Variants in PARP9 observed in about 807,000 individuals in gnomAD.
PARP9 encodes the protein protein mono-ADP-ribosyltransferase PARP9.
A neutral mutation model predicts 68.8 loss-of-function variants in PARP9; 48 were observed. The observed-to-expected ratio is 0.70, with a 90% CI of 0.55 to 0.89. The LOEUF (loss-of-function observed/expected upper bound fraction) is 0.89. Among genes scored for constraint, PARP9 ranks in the 40% least tolerant of loss-of-function variants. The pLI, the probability that PARP9 is intolerant of heterozygous loss-of-function variation, is 0.00. For synonymous variants in PARP9, 309 were observed against 333.8 expected (o/e 0.93, Z 0.81); for missense variants, 806 against 969.3 (o/e 0.83, Z 2.24).
chr3:122,555,176 T>C (rs1339103820), intron 4 of PARP9, 110 bp downstream of exon 4: 13 of 1,131,294 alleles, frequency 1.1e-5, no homozygotes, highest in Non-Finnish European at 1.6e-5. Flanking sequence ...CTCATATTCT[T>C]AATCCAAACA....
chr3:122,543,010 G>A (rs947867961), intron 7 of PARP9, among the ~76,000 whole-genome samples: 4 of 152,020 alleles, frequency 2.6e-5, no homozygotes, highest in East Asian at 1.9e-4. Flanking sequence ...GGGTTCAAGC[G>A]ATTCTCCTGC....
intron 10 of PARP9, among the ~76,000 whole-genome samples, chr3:122,529,587 A>G (rs1220784927): frequency 6.6e-6 from 1 of 151,040 alleles, no homozygotes; most frequent in East Asian, 1.9e-4. Flanking sequence ...CGTCTCTACT[A>G]AAAAAAATAC....
chr3:122,556,768 A>G (rs367826658), intron 3 of PARP9, among the ~76,000 whole-genome samples: 186 of 105,714 alleles, frequency 1.8e-3, no homozygotes, highest in African/African-American at 6.4e-3. Flanking sequence ...CTTGTGCCTC[A>G]GGGTTATACC....
intron 3 of PARP9, among the ~76,000 whole-genome samples, chr3:122,557,609 A>G (rs2079812462): frequency 1.3e-5 from 2 of 152,338 alleles, no homozygotes; most frequent in Middle Eastern, 6.8e-3. Context: ...TTCATGCCCA[A>G]CGTGGGACAC....
chr3:122,557,492 C>T (rs1004878798), intron 3 of PARP9, among the ~76,000 whole-genome samples: 15 of 152,214 alleles, frequency 9.9e-5, no homozygotes, highest in Non-Finnish European at 1.8e-4. Flanking sequence ...GTGGGAAATA[C>T]AGTTAGCTGA....
chr3:122,528,454 A>G lies in PARP9; in HGVS notation c.2370T>C (p.Tyr790=). The change falls in exon 11 of 11, where the codon TAT becomes TAC. Residue 790 remains tyrosine (Y), a synonymous_variant. Coordinates refer to ENST00000682323, the MANE Select transcript of PARP9 (RefSeq NM_001146105.2). Reference sequence around the variant, plus strand: ...CTGATGAGTAATCTTGTGACTGTACATATTCCTGGGTGCATGTCCACAAAT... The same window carrying G: ...CTGATGAGTAATCTTGTGACTGTACGTATTCCTGGGTGCATGTCCACAAAT... ...PQYLWTCTQE[Y]VQSQDYSSGP... The G allele has an allele frequency of 6.2e-7, 1 of 1,614,220 alleles. No individual in the cohort carries two copies. Among genetic ancestry groups the G allele is most frequent in the African/African-American group, 1.3e-5 (1 of 75,068 alleles).
intron 10 of PARP9, chr3:122,534,661 C>T (rs1372734449): frequency 4.1e-5 from 8 of 194,218 alleles, no homozygotes; most frequent in South Asian, 3.5e-4. Context: ...GGACGGATCA[C>T]GAGTAGCTGG....
rs749831863 is a variant in PARP9, at chr3:122,556,138, G to C, written c.50-17C>G. 1.4e-3 allele frequency: 108 copies of C among 79,906 alleles called. No individual in the cohort carries two copies. Among genetic ancestry groups the C allele is most frequent in the Middle Eastern group, 3.2e-3 (1 of 312 alleles). 4.9% of individuals were successfully genotyped at this position (79,906 alleles called of 1,614,324 possible). ...CACCAGTCTCTGGAAAAGAAGAGAA[G>C]ATTAAAAAAAAAAAAAAAAAAAAAA... is the stretch of plus-strand genomic sequence containing the variant. On this transcript the variant is annotated splice_polypyrimidine_tract_variant and intron_variant, in intron 3 of 10. Transcript: ENST00000682323.
At chr3:122,562,029 T>A (rs1238252248) in intron 1 of PARP9, among the ~76,000 whole-genome samples, 2 of 152,032 alleles carry the variant, frequency 1.3e-5, no homozygotes. Context: ...TTTCCCTGAG[T>A]CTTTTTTGTC....
At chr3:122,541,944 T>C (rs981417133) in intron 7 of PARP9, among the ~76,000 whole-genome samples, 1 of 152,088 alleles carries the variant, frequency 6.6e-6, no homozygotes, top group Non-Finnish European at 1.5e-5. Flanking sequence ...AAAAGAAGTA[T>C]AAGGACAGAC....
At chr3:122,544,281 A>T (rs1256096678) in intron 7 of PARP9, among the ~76,000 whole-genome samples, 1 of 152,110 alleles carries the variant, frequency 6.6e-6, no homozygotes, top group Non-Finnish European at 1.5e-5. Context: ...TTCTCCCCTT[A>T]GCTAACTGGG....
chr3:122,539,755 A>G (rs1440832137), intron 8 of PARP9, among the ~76,000 whole-genome samples: 10 of 151,782 alleles, frequency 6.6e-5, no homozygotes, highest in Non-Finnish European at 1.3e-4. Flanking sequence ...GTAGAGACAG[A>G]GTTTCTCCAT....
Position 122,556,054 on chromosome 3 carries a change from T to A in PARP9, c.117A>T (p.Leu39Phe), listed in dbSNP as rs1456226315. 4 of 1,611,636 alleles carry A rather than the reference T, an allele frequency of 2.5e-6. No homozygotes were observed. The highest frequency in any genetic ancestry group is 3.4e-5 in the Admixed American group (2 of 59,616). ...CACACAGCTGACGCTCATTATTTTTTAAAATTTTGAAGTCATTGTGGTTAA... is the reference window on the plus strand; with the variant it reads ...CACACAGCTGACGCTCATTATTTTTAAAAATTTTGAAGTCATTGTGGTTAA... ...IPINHNDFKI[L>F]KNNERQLCEV... Residue 39 changes from leucine to phenylalanine, a missense_variant, in exon 4 of 11, where the codon TTA (leucine) becomes TTT (phenylalanine). Transcript: ENST00000682323.
intron 10 of PARP9, among the ~76,000 whole-genome samples, chr3:122,529,901 AAT>A (rs2077187579): frequency 6.6e-6 from 1 of 151,850 alleles, no homozygotes; most frequent in Non-Finnish European, 1.5e-5. Context: ...TTACAAGAAA[AAT>A]ATGTCATCTG....
chr3:122,553,010 A>G (rs1320381170), intron 4 of PARP9, among the ~76,000 whole-genome samples: 1 of 152,120 alleles, frequency 6.6e-6, no homozygotes, highest in Non-Finnish European at 1.5e-5. Flanking sequence ...ACTTTTTGCT[A>G]TTTCGTCGTG....
intron 9 of PARP9, 166 bp downstream of exon 9, chr3:122,536,767 TC>T: frequency 1.4e-6 from 1 of 736,336 alleles, no homozygotes; most frequent in Non-Finnish European, 2.2e-6. Flanking sequence ...TCCAACTATA[TC>T]CCTCGTGCCT....
At chr3:122,555,190 T>G in intron 4 of PARP9, 96 bp downstream of exon 4, 1 of 1,210,346 alleles carries the variant, frequency 8.3e-7, no homozygotes. Flanking sequence ...CCAAACAAGA[T>G]GGTTTCTACA....
chr3:122,555,505 C>T lies in PARP9; in HGVS notation c.666G>A (p.Glu222=), dbSNP rs1370659513. The T allele has an allele frequency of 3.1e-6, 5 of 1,614,162 alleles. No homozygotes were observed. Among genetic ancestry groups the T allele is most frequent in the Non-Finnish European group, 4.2e-6 (5 of 1,180,028 alleles). ...PLNLCTKTIV[E]TIRVSLQGKP... ...TCCCTTGCAAACTAACCCGGATAGT[C>T]TCTACAATAGTCTTTGTACACAAAT... The change falls in exon 4 of 11, where the codon GAG becomes GAA. Residue 222 remains glutamate, a synonymous_variant. Coordinates refer to ENST00000682323, the MANE Select transcript of PARP9 (RefSeq NM_001146105.2).
At chr3:122,535,791 G>A in intron 10 of PARP9, 2 of 1,030,764 alleles carry the variant, frequency 1.9e-6, no homozygotes, top group Non-Finnish European at 2.3e-6. Context: ...TTTAATTAAG[G>A]GATGAGGACG....
Sources: gnomAD v4.1 joint callset for allele counts (sites outside exome capture counted in the v4.1 genomes callset) on GRCh38, gnomAD v4.1.1 for gene constraint, MANE v1.5 for transcripts, NCBI Gene and HGNC (gene_info 2026-07-23, HGNC 2026-07-21) for gene names.